The following CFAP61 variants were observed in gnomAD, a reference collection of about 807,000 sequenced individuals.
The protein encoded by CFAP61 is cilia- and flagella-associated protein 61.
CFAP61 carries 107 observed loss-of-function variants against 135.6 expected under a neutral mutation model. The ratio of observed to expected loss-of-function variants is 0.79; its 90% CI spans 0.67 to 0.93. The LOEUF (loss-of-function observed/expected upper bound fraction) is 0.93, where lower values mean the gene tolerates loss of function less well. Ranked by LOEUF, CFAP61 falls within the 40% of genes least tolerant of loss-of-function variation. CFAP61 has a pLI of 0.00. For missense variants in CFAP61, 1,507 were observed against 1,556.2 expected (o/e 0.97, Z 0.53); for synonymous variants, 575 against 578.5 (o/e 0.99, Z 0.09).
At chr20:20,064,811 G>A (rs911915856) in intron 2 of CFAP61, among the ~76,000 whole-genome samples, 2 of 151,988 alleles carry the variant, frequency 1.3e-5, no homozygotes, top group Non-Finnish European at 2.9e-5. Context: ...CTCCACCCCC[G>A]TCAAAATCCT....
chr20:20,090,583 G>C lies in CFAP61; in HGVS notation c.567-261G>C, dbSNP rs13044836. Among the ~76,000 whole-genome samples the C allele has an allele frequency of 2.4e-3, 368 of 151,044 alleles. 2 individuals are homozygous for C. Among genetic ancestry groups the C allele is most frequent in the African/African-American group, 8.5e-3 (351 of 41,124 alleles). On this transcript the variant is annotated intron_variant, in intron 6 of 26. Coordinates refer to ENST00000245957, the MANE Select transcript of CFAP61 (RefSeq NM_015585.4). ...TGCATGCCTATAGTCCCACCTACTC[G>C]GGAGGCTGAGGCAGGAGAATCGCTT... is the stretch of plus-strand genomic sequence containing the variant.
intron 4 of CFAP61, among the ~76,000 whole-genome samples, chr20:20,074,823 G>A (rs985188901): frequency 3.4e-4 from 51 of 152,194 alleles, no homozygotes; most frequent in African/African-American, 1.1e-3. Flanking sequence ...CTGACAGCCT[G>A]CACAGACATT....
At chr20:20,134,449 A>G (rs1324230697) in intron 8 of CFAP61, among the ~76,000 whole-genome samples, 1 of 152,198 alleles carries the variant, frequency 6.6e-6, no homozygotes, top group Non-Finnish European at 1.5e-5. Context: ...ATGCCTTGCA[A>G]GAGAGTTTGG....
chr20:20,202,345 C>A (rs1159681977), intron 17 of CFAP61, among the ~76,000 whole-genome samples: 1 of 152,124 alleles, frequency 6.6e-6, no homozygotes, highest in Non-Finnish European at 1.5e-5. Context: ...TTAAGAAGCA[C>A]TTTTATTGCT....
At chr20:20,128,633 A>G (rs1221145702) in intron 8 of CFAP61, among the ~76,000 whole-genome samples, 1 of 151,742 alleles carries the variant, frequency 6.6e-6, no homozygotes, top group Admixed American at 6.5e-5. Flanking sequence ...ATCTGGAGCT[A>G]AAATTCACAA....
chr20:20,322,117 G>A (rs897789208), intron 25 of CFAP61, among the ~76,000 whole-genome samples: 1 of 152,172 alleles, frequency 6.6e-6, no homozygotes, highest in African/African-American at 2.4e-5. Flanking sequence ...CAACCCAGGT[G>A]CTAGACATGT....
Position 20,299,301 on chromosome 20 carries a change from C to T in CFAP61, c.3422+915C>T, listed in dbSNP as rs187763007. On this transcript the variant is annotated intron_variant, in intron 25 of 26. Coordinates refer to ENST00000245957, the MANE Select transcript of CFAP61 (RefSeq NM_015585.4). ...CAGTCAGGAAGTCCCTCTCTGATCA[C>T]AGCCCTCCCTCATCTTCGTGGAGGT... is the stretch of plus-strand genomic sequence containing the variant. Among the ~76,000 whole-genome samples, 197 of 152,310 alleles carry T rather than the reference C, an allele frequency of 1.3e-3. 1 individual carries two copies. Among genetic ancestry groups the T allele is most frequent in the Non-Finnish European group, 2.3e-3 (157 of 68,032 alleles).
intron 8 of CFAP61, among the ~76,000 whole-genome samples, chr20:20,127,635 G>A (rs2050167461): frequency 6.6e-6 from 1 of 151,510 alleles, no homozygotes; most frequent in African/African-American, 2.4e-5. Flanking sequence ...GGTTGGTGGT[G>A]GGGTCGGGGT....
chr20:20,122,820 G>T (rs2049767654), intron 8 of CFAP61, among the ~76,000 whole-genome samples: 1 of 148,972 alleles, frequency 6.7e-6, no homozygotes, highest in Non-Finnish European at 1.5e-5. Context: ...TCTACTTTTA[G>T]TTCTTCAAGA....
At chr20:20,262,916 C>A in intron 20 of CFAP61, 40 bp from the exon 21 acceptor site, 2 of 1,384,598 alleles carry the variant, frequency 1.4e-6, no homozygotes, top group Non-Finnish European at 2.0e-6. Flanking sequence ...ACCACTTTAT[C>A]TATTATCACT....
At chr20:20,072,976 G>A (rs538186277) in intron 3 of CFAP61, among the ~76,000 whole-genome samples, 57 of 152,224 alleles carry the variant, frequency 3.7e-4, no homozygotes, top group East Asian at 3.1e-3. Flanking sequence ...TTTGTGGCTT[G>A]CATTACTTTT....
chr20:20,230,758 G>A (rs151197244), intron 18 of CFAP61, among the ~76,000 whole-genome samples: 16,891 of 152,204 alleles, frequency 0.11, 1,268 homozygotes, highest in Middle Eastern at 0.21. Flanking sequence ...GTTTCACCAT[G>A]TTGGCCGGGC....
At chr20:20,317,049 G>A (rs2057180077) in intron 25 of CFAP61, 1 of 151,146 alleles carries the variant, frequency 6.6e-6, no homozygotes, top group African/African-American at 2.4e-5. Context: ...GCTAATTTTT[G>A]TATTTTTAGT....
rs2044236661 is a variant in CFAP61 at position 20,055,445 on chromosome 20, C to G, written c.-36-1173C>G. 2.0e-5 allele frequency among the ~76,000 whole-genome samples: 3 copies of G among 152,226 alleles called. No homozygotes were observed. The South Asian group carries it at 6.2e-4, about 32-fold the overall frequency. ...CTAGCCCCCTCACTTACCGAGGGGC[C>G]CATCCAAAGTCCCAGGTAGATGCAT... On this transcript the variant is annotated intron_variant, in intron 1 of 26. Coordinates refer to ENST00000245957, the MANE Select transcript of CFAP61 (RefSeq NM_015585.4).
chr20:20,055,832 G>C, intron 1 of CFAP61: 3 of 764,804 alleles, frequency 3.9e-6, no homozygotes. Context: ...GAGCTCACTG[G>C]CTAGTATATA....
chr20:20,131,409 G>A (rs866355323), intron 8 of CFAP61, among the ~76,000 whole-genome samples: 32 of 151,964 alleles, frequency 2.1e-4, no homozygotes, highest in Admixed American at 9.8e-4. Context: ...ATTTTCAAAC[G>A]CATTAGGATA....
intron 9 of CFAP61, among the ~76,000 whole-genome samples, chr20:20,147,913 A>T (rs916136395): frequency 6.6e-6 from 1 of 152,046 alleles, no homozygotes; most frequent in Non-Finnish European, 1.5e-5. Flanking sequence ...AATCCATATT[A>T]TGTTGATTTT....
At chr20:20,109,627 C>A (rs934812854) in intron 8 of CFAP61, among the ~76,000 whole-genome samples, 1 of 152,216 alleles carries the variant, frequency 6.6e-6, no homozygotes, top group Non-Finnish European at 1.5e-5. Context: ...ATGGACCCAG[C>A]TCCCAAGTGC....
intron 25 of CFAP61, among the ~76,000 whole-genome samples, chr20:20,312,045 A>G (rs1271488285): frequency 1.3e-5 from 2 of 152,230 alleles, no homozygotes; most frequent in African/African-American, 2.4e-5. Flanking sequence ...TAACTTATCT[A>G]CATCTGAAAA....
Sources: gnomAD v4.1 joint callset for allele counts (sites outside exome capture counted in the v4.1 genomes callset) on GRCh38, gnomAD v4.1.1 for gene constraint, MANE v1.5 for transcripts, NCBI Gene and HGNC (gene_info 2026-07-23, HGNC 2026-07-21) for gene names.